SND1: variants seen among roughly 807,000 people sequenced by gnomAD.
SND1 encodes the protein staphylococcal nuclease domain-containing protein 1.
A neutral mutation model predicts 121.7 loss-of-function variants in SND1; 38 were observed. That is an observed-to-expected ratio of 0.31 (90% CI 0.24 to 0.41). The LOEUF is 0.41. Among genes scored for constraint, SND1 ranks in the 10% least tolerant of loss-of-function variants. The probability of loss-of-function intolerance (pLI) is 1.00; values close to 1 mark genes in which losing one functional copy is unlikely to be tolerated. For missense variants in SND1, 868 were observed against 1,184.6 expected, an observed-to-expected ratio of 0.73 and a Z score of 3.92; for synonymous variants, 401 against 447.4, an observed-to-expected ratio of 0.90 and a Z score of 1.31.
chr7:127,893,552 G>A (rs554967882), intron 13 of SND1, among the ~76,000 whole-genome samples: 1 of 152,216 alleles, frequency 6.6e-6, no homozygotes, highest in African/African-American at 2.4e-5. Context: ...ATTCAGAAAA[G>A]AAATTGATGC....
intron 15 of SND1, among the ~76,000 whole-genome samples, chr7:127,936,144 T>C (rs1275025083): frequency 6.6e-6 from 1 of 152,176 alleles, no homozygotes; most frequent in Non-Finnish European, 1.5e-5. Flanking sequence ...CTCTAGTCCT[T>C]TAAGCACCTG....
chr7:127,858,405 A>G lies in SND1; in HGVS notation c.1343+13981A>G, dbSNP rs1584623046. 5 of 1,178,384 alleles carry G rather than the reference A, an allele frequency of 4.2e-6. No individual in the cohort carries two copies. The East Asian group carries it at 1.0e-4, about 24-fold the overall frequency. 73.0% of individuals were successfully genotyped at this position (1,178,384 alleles called of 1,614,324 possible). On this transcript the variant is annotated intron_variant, in intron 12 of 23. Coordinates refer to ENST00000354725, the MANE Select transcript of SND1 (RefSeq NM_014390.4). ...AATAGGAGCTCCAAAAGTCCCTCCAAGAAGGCTTGGGCACTCACTGGGGTC... is the reference window on the plus strand; with the variant it reads ...AATAGGAGCTCCAAAAGTCCCTCCAGGAAGGCTTGGGCACTCACTGGGGTC...
chr7:127,916,033 T>TG (rs1491281599), intron 14 of SND1, among the ~76,000 whole-genome samples: 5 of 141,004 alleles, frequency 3.5e-5, no homozygotes, highest in Admixed American at 7.0e-5. Context: ...TGTGTGTGTG[T>TG]TTATGTGTGT....
chr7:127,940,460 G>A (rs1435190284), intron 15 of SND1, among the ~76,000 whole-genome samples: 1 of 152,158 alleles, frequency 6.6e-6, no homozygotes, highest in Non-Finnish European at 1.5e-5. Flanking sequence ...CCTGGATGCA[G>A]GAGAGGGAGT....
At chr7:128,008,950 G>A (rs941745750) in intron 16 of SND1, among the ~76,000 whole-genome samples, 5 of 152,302 alleles carry the variant, frequency 3.3e-5, no homozygotes, top group Non-Finnish European at 5.9e-5. Flanking sequence ...GTGTGGTAGA[G>A]TAGAGAAGGC....
chr7:127,822,275 A>T (rs2116607218), intron 11 of SND1, among the ~76,000 whole-genome samples: 1 of 152,314 alleles, frequency 6.6e-6, no homozygotes, highest in African/African-American at 2.4e-5. Flanking sequence ...ATAAGTTTAA[A>T]TTTCATACAT....
intron 10 of SND1, among the ~76,000 whole-genome samples, chr7:127,749,221 C>G (rs1388042939): frequency 1.3e-5 from 2 of 151,964 alleles, no homozygotes; most frequent in Non-Finnish European, 2.9e-5. Context: ...GATGGGGTCT[C>G]ACCATGTTGC....
intron 16 of SND1, among the ~76,000 whole-genome samples, chr7:128,053,984 C>T (rs956306617): frequency 1.3e-5 from 2 of 152,202 alleles, no homozygotes; most frequent in South Asian, 2.1e-4. Context: ...TGGGAATGGC[C>T]GGTACAGGGG....
At position 127,698,809 on chromosome 7, in the gene SND1, T is replaced by A. The variant is rs546052167; in HGVS notation, c.350-66T>A. ...GAGCTAAGTGTGAAAGTGGTCCCAT[T>A]TGGGCTCTGTTGCTGTTGGAGGCAG... On this transcript the variant is annotated intron_variant, in intron 3 of 23. Coordinates refer to ENST00000354725, the MANE Select transcript of SND1 (RefSeq NM_014390.4). 693 of 1,293,734 alleles carry A rather than the reference T, an allele frequency of 5.4e-4. 1 individual carries two copies. The highest frequency in any genetic ancestry group is 6.8e-4 in the Non-Finnish European group (605 of 889,044). The allele number at this position is 1,293,734 out of a possible 1,614,324, so 80.1% of individuals were successfully genotyped here.
chr7:127,760,890 T>C (rs1318955044), intron 10 of SND1, among the ~76,000 whole-genome samples: 1 of 152,244 alleles, frequency 6.6e-6, no homozygotes, highest in Non-Finnish European at 1.5e-5. Flanking sequence ...GCAGTCCTGA[T>C]GAACCAGAAA....
At chr7:127,922,062 C>T (rs1296001049) in intron 14 of SND1, among the ~76,000 whole-genome samples, 1 of 151,712 alleles carries the variant, frequency 6.6e-6, no homozygotes, top group African/African-American at 2.4e-5. Context: ...GCCATCACTG[C>T]TCACTGTAGC....
At chr7:127,768,417 A>G (rs1563006514) in intron 10 of SND1, among the ~76,000 whole-genome samples, 1 of 152,208 alleles carries the variant, frequency 6.6e-6, no homozygotes, top group Non-Finnish European at 1.5e-5. Context: ...TTTGTTATGT[A>G]AGTTCATAAT....
intron 15 of SND1, among the ~76,000 whole-genome samples, chr7:127,934,513 G>A (rs1801016727): frequency 1.3e-5 from 2 of 152,148 alleles, no homozygotes; most frequent in South Asian, 4.1e-4. Context: ...CAAGAGAATA[G>A]TAGAGGTCTG....
In SND1 at chr7:128,015,097, C is replaced by T. The variant is rs1472403518; in HGVS notation, c.1779+24041C>T. 6.6e-6 allele frequency among the ~76,000 whole-genome samples: 1 copy of T among 152,232 alleles called. No individual in the cohort carries two copies. Among genetic ancestry groups the T allele is most frequent in the Non-Finnish European group, 1.5e-5 (1 of 68,044 alleles). On this transcript the variant is annotated intron_variant, in intron 16 of 23. Coordinates refer to ENST00000354725, the MANE Select transcript of SND1 (RefSeq NM_014390.4). The surrounding 1 kb of genome is among the most constrained non-coding windows in gnomAD (Gnocchi z 4.5). Reference sequence around the variant, plus strand: ...TGAGCCATCAGCAGCTGCACCTCCTCCCTCGCGCCTTCTGTCTGAGCCAAC... The same window carrying T: ...TGAGCCATCAGCAGCTGCACCTCCTTCCTCGCGCCTTCTGTCTGAGCCAAC...
intron 17 of SND1, among the ~76,000 whole-genome samples, chr7:128,075,933 T>C (rs889566103): frequency 6.6e-6 from 1 of 152,230 alleles, no homozygotes; most frequent in Non-Finnish European, 1.5e-5. Flanking sequence ...GTCCTCTGCC[T>C]GCTGCAGGGA....
intron 12 of SND1, among the ~76,000 whole-genome samples, chr7:127,866,291 G>A (rs1799474613): frequency 6.6e-6 from 1 of 152,182 alleles, no homozygotes; most frequent in Admixed American, 6.5e-5. Flanking sequence ...GCTTTAAGTA[G>A]GCATAGTCAT....
chr7:128,029,997 G>A lies in SND1; in HGVS notation c.1779+38941G>A. 1 of 1,613,176 alleles carries A rather than the reference G, an allele frequency of 6.2e-7. No homozygotes were observed. Among genetic ancestry groups the A allele is most frequent in the Non-Finnish European group, 8.5e-7 (1 of 1,180,030 alleles). Reference sequence around the variant, plus strand: ...CAGCTCCTCCAGCCCCACCAGGGGGGTGAGATTGGGCATGTCTTTAATGTT... The same window carrying A: ...CAGCTCCTCCAGCCCCACCAGGGGGATGAGATTGGGCATGTCTTTAATGTT... On this transcript the variant is annotated intron_variant, in intron 16 of 23. Transcript: ENST00000354725. This position sits in a 1 kb window ranked among gnomAD's most constrained non-coding sequence, Gnocchi z 4.2.
intron 16 of SND1, among the ~76,000 whole-genome samples, chr7:128,017,070 C>T (rs1803240658): frequency 6.6e-6 from 1 of 152,216 alleles, no homozygotes; most frequent in African/African-American, 2.4e-5. Context: ...AGATACACTA[C>T]CACCCCCACA....
rs759719320 is a variant in SND1, at chr7:127,686,667, C to G, written c.133C>G (p.Pro45Ala). The G allele has an allele frequency of 6.2e-7, 1 of 1,614,186 alleles. No individual in the cohort carries two copies. Among genetic ancestry groups the G allele is most frequent in the Non-Finnish European group, 8.5e-7 (1 of 1,180,028 alleles). The change falls in exon 2 of 24, where the codon CCT becomes GCT. Residue 45 changes from proline (P) to alanine (A), a missense_variant. Coordinates refer to ENST00000354725, the MANE Select transcript of SND1 (RefSeq NM_014390.4). ...AGGTCAGCCTCGTGGTGGGCCTCCT[C>G]CTGAGCGGCAGATCAACCTCAGCAA... ...VRGQPRGGPPPERQINLSNIR... is the reference protein window; with the variant it reads ...VRGQPRGGPPAERQINLSNIR...
Sources: gnomAD v4.1 joint callset for allele counts (sites outside exome capture counted in the v4.1 genomes callset) on GRCh38, gnomAD v4.1.1 for gene constraint, Gnocchi (gnomAD v3.1) non-coding constraint, MANE v1.5 for transcripts, NCBI Gene and HGNC (gene_info 2026-07-23, HGNC 2026-07-21) for gene names.